The following OLFM2 variants were observed in gnomAD, a reference collection of about 807,000 sequenced individuals.
OLFM2 encodes olfactomedin 2, also known as noelin-2.
Under a neutral mutation model 43.9 loss-of-function variants are expected in OLFM2, and 20 were observed. The ratio of observed to expected loss-of-function variants is 0.46; its 90% confidence interval spans 0.32 to 0.66. The LOEUF (loss-of-function observed/expected upper bound fraction) is 0.66, where lower values mean the gene tolerates loss of function less well. Among genes scored for constraint, OLFM2 ranks in the 30% least tolerant of loss-of-function variants. The pLI is 0.04. For synonymous variants in OLFM2, 268 were observed against 278.6 expected (o/e 0.96, Z 0.38); for missense variants, 416 against 643.6 (o/e 0.65, Z 3.83).
chr19:9,906,301 G>C (rs1444773169), intron 1 of OLFM2, among the ~76,000 whole-genome samples: 1 of 147,606 alleles, frequency 6.8e-6, no homozygotes, highest in African/African-American at 2.7e-5. Flanking sequence ...CGGGCACACA[G>C]GGTGGGGGAG....
In OLFM2 at chr19:9,936,371, C is replaced by T; in HGVS notation, c.-5G>A. ...CGGGACCGTGAGCGGCCACATGACG[C>T]GCCCCTAGCCCGGCGTCCCGACCCC... On this transcript the variant is annotated 5_prime_UTR_variant, in exon 1 of 6. Coordinates refer to ENST00000264833, the MANE Select transcript of OLFM2 (RefSeq NM_058164.4). 3 of 1,464,470 alleles carry T rather than the reference C, an allele frequency of 2.0e-6. No homozygotes were observed. The highest frequency in any genetic ancestry group is 1.3e-5 in the South Asian group (1 of 76,992). The allele number at this position is 1,464,470 out of a possible 1,614,324, so 90.7% of individuals were successfully genotyped here. A position where few individuals can be genotyped will look rare whatever the true frequency, so the allele number is the denominator to read the frequency against.
chr19:9,933,267 T>G (rs1266473526), intron 1 of OLFM2, among the ~76,000 whole-genome samples: 6 of 152,178 alleles, frequency 3.9e-5, no homozygotes, highest in African/African-American at 7.2e-5. Flanking sequence ...GAGACAGTCT[T>G]GTTCTGTTGC....
intron 1 of OLFM2, among the ~76,000 whole-genome samples, chr19:9,885,164 T>C (rs2046575561): frequency 1.3e-5 from 2 of 152,202 alleles, no homozygotes; most frequent in African/African-American, 4.8e-5. Context: ...GTGCCTCACT[T>C]TCCCCACCTG....
chr19:9,930,927 C>G (rs963774742), intron 1 of OLFM2, among the ~76,000 whole-genome samples: 2 of 152,058 alleles, frequency 1.3e-5, no homozygotes, highest in African/African-American at 4.8e-5. Context: ...CTGTTTTACC[C>G]TGACCTGGGC....
At chr19:9,896,469 C>T (rs565488794) in intron 1 of OLFM2, among the ~76,000 whole-genome samples, 8 of 152,314 alleles carry the variant, frequency 5.3e-5, no homozygotes, top group African/African-American at 1.7e-4. Context: ...ACAAGTGTAG[C>T]TTACTGCAGC....
intron 1 of OLFM2, among the ~76,000 whole-genome samples, chr19:9,861,211 T>C (rs1489563816): frequency 1.3e-5 from 2 of 151,776 alleles, no homozygotes; most frequent in Non-Finnish European, 2.9e-5. Context: ...ATGTTTTTTT[T>C]TTTTTTTGGT....
chr19:9,928,044 G>A (rs1239349748), intron 1 of OLFM2, among the ~76,000 whole-genome samples: 1 of 151,640 alleles, frequency 6.6e-6, no homozygotes, highest in Non-Finnish European at 1.5e-5. Context: ...CCAAAAAAAA[G>A]AAAAAGAAAG....
rs1204779040 is a variant in OLFM2 at position 9,854,100 on chromosome 19, A to C, written c.*86T>G. ...GAAAGGGCGTGACAGAGACAGAGAG[A>C]TCACCCTTGAGGGACACAGGCAGAA... is the stretch of plus-strand genomic sequence containing the variant. On this transcript the variant is annotated 3_prime_UTR_variant, in exon 6 of 6. Transcript: ENST00000264833. The surrounding 1 kb of genome is among the most constrained non-coding windows in gnomAD (Gnocchi z 9.5). 4 of 1,223,300 alleles carry C rather than the reference A, an allele frequency of 3.3e-6. No individual in the cohort carries two copies. The highest frequency in any genetic ancestry group is 3.0e-5 in the African/African-American group (2 of 66,746). The allele number at this position is 1,223,300 out of a possible 1,614,324, so 75.8% of individuals were successfully genotyped here. A position where few individuals can be genotyped will look rare whatever the true frequency, so the allele number is the denominator to read the frequency against.
chr19:9,901,771 C>A (rs2046742090), intron 1 of OLFM2, among the ~76,000 whole-genome samples: 1 of 152,146 alleles, frequency 6.6e-6, no homozygotes, highest in South Asian at 2.1e-4. Context: ...TCCACAGGCA[C>A]CTGTGAATTC....
chr19:9,874,422 C>T (rs2046469180), intron 1 of OLFM2, among the ~76,000 whole-genome samples: 1 of 149,360 alleles, frequency 6.7e-6, no homozygotes, highest in African/African-American at 2.5e-5. Context: ...CCACCTAAGC[C>T]TCCCAAAGTG....
intron 1 of OLFM2, among the ~76,000 whole-genome samples, chr19:9,904,952 G>A (rs1050621651): frequency 6.6e-5 from 10 of 152,012 alleles, no homozygotes; most frequent in African/African-American, 4.8e-5. Context: ...ACAGGACGTC[G>A]AGGCTGCAGT....
chr19:9,869,987 G>A (rs1599470705), intron 1 of OLFM2, among the ~76,000 whole-genome samples: 2 of 151,082 alleles, frequency 1.3e-5, no homozygotes, highest in African/African-American at 4.9e-5. Context: ...TGAACTCCTG[G>A]CCTCAAGCAA....
At chr19:9,884,887 T>C (rs146145461) in intron 1 of OLFM2, among the ~76,000 whole-genome samples, 1 of 152,292 alleles carries the variant, frequency 6.6e-6, no homozygotes, top group African/African-American at 2.4e-5. Flanking sequence ...AAGATATGAA[T>C]GAATGAATGA....
intron 1 of OLFM2, among the ~76,000 whole-genome samples, chr19:9,876,736 C>T (rs990076478): frequency 1.3e-5 from 2 of 152,182 alleles, no homozygotes; most frequent in Non-Finnish European, 2.9e-5. Context: ...CCTGTGCCTC[C>T]GTTCCCCCAG....
intron 1 of OLFM2, among the ~76,000 whole-genome samples, chr19:9,875,885 A>G (rs186002814): frequency 6.6e-6 from 1 of 152,172 alleles, no homozygotes; most frequent in Admixed American, 6.6e-5. Context: ...CCTTGGGTAC[A>G]CAGAGCATGT....
chr19:9,930,867 T>C (rs1004417578), intron 1 of OLFM2, among the ~76,000 whole-genome samples: 3 of 151,778 alleles, frequency 2.0e-5, no homozygotes, highest in Non-Finnish European at 2.9e-5. Flanking sequence ...ATCATCATCA[T>C]CATCATCATC....
At chr19:9,913,632 A>T in intron 1 of OLFM2, 4 of 1,272,132 alleles carry the variant, frequency 3.1e-6, no homozygotes, top group Non-Finnish European at 4.0e-6. Context: ...CCTCCGCCTC[A>T]TGCCCCGCGG....
chr19:9,896,203 C>A (rs1165421189), intron 1 of OLFM2, among the ~76,000 whole-genome samples: 1 of 145,032 alleles, frequency 6.9e-6, no homozygotes, highest in Admixed American at 7.3e-5. Flanking sequence ...CGGGTTCATG[C>A]CATTCTCCTG....
chr19:9,860,578 G>C, intron 2 of OLFM2, 67 bp downstream of exon 2: 1 of 1,527,964 alleles, frequency 6.5e-7, no homozygotes, highest in Non-Finnish European at 8.8e-7. Flanking sequence ...CCTGGATGGG[G>C]CTGGAGGGCG....
Sources: allele counts gnomAD v4.1 joint callset (sites outside exome capture counted in the v4.1 genomes callset), GRCh38; gene constraint gnomAD v4.1.1; non-coding constraint Gnocchi (gnomAD v3.1); transcripts MANE v1.5; gene names NCBI Gene and HGNC (gene_info 2026-07-23, HGNC 2026-07-21).